Variants in AK9 observed in about 807,000 individuals in gnomAD.
The protein encoded by AK9 is adenylate kinase 9.
A neutral mutation model predicts 239.6 loss-of-function variants in AK9; 191 were observed. The observed-to-expected ratio is 0.80, with a 90% CI of 0.71 to 0.90. The LOEUF (loss-of-function observed/expected upper bound fraction) is 0.90, where lower values mean the gene tolerates loss of function less well. AK9 is among the 40% of genes least tolerant of loss of function. The pLI is 0.00. For synonymous variants in AK9, 689 were observed against 721.0 expected (o/e 0.96, Z 0.71); for missense variants, 1,995 against 2,214.7 (o/e 0.90, Z 1.99).
chr6:109,666,681 C>A (rs1425794539), intron 5 of AK9, among the ~76,000 whole-genome samples: 1 of 152,218 alleles, frequency 6.6e-6, no homozygotes, highest in Non-Finnish European at 1.5e-5. Context: ...TTTTCTATTT[C>A]CATACAAATG....
At chr6:109,684,743 G>A (rs1445731413) in intron 1 of AK9, among the ~76,000 whole-genome samples, 1 of 140,596 alleles carries the variant, frequency 7.1e-6, no homozygotes, top group Non-Finnish European at 1.5e-5. Context: ...GCGTAGTGGC[G>A]GGCGCCTGTA....
intron 10 of AK9, among the ~76,000 whole-genome samples, chr6:109,638,260 C>T (rs1796963040): frequency 6.6e-6 from 1 of 151,974 alleles, no homozygotes; most frequent in South Asian, 2.1e-4. Flanking sequence ...AACAGGAGGC[C>T]TCAGTACTCA....
At chr6:109,685,665 T>C (rs1185528794) in intron 1 of AK9, among the ~76,000 whole-genome samples, 1 of 152,022 alleles carries the variant, frequency 6.6e-6, no homozygotes, top group East Asian at 1.9e-4. Context: ...CACCATGGCA[T>C]ATGTATACCT....
intron 28 of AK9, among the ~76,000 whole-genome samples, chr6:109,532,298 C>T (rs889667852): frequency 5.4e-4 from 82 of 152,334 alleles, no homozygotes; most frequent in Middle Eastern, 6.8e-3. Context: ...TACCTTCCTC[C>T]TACCAATGGT....
At chr6:109,575,592 C>T (rs901827069) in intron 20 of AK9, among the ~76,000 whole-genome samples, 3 of 151,860 alleles carry the variant, frequency 2.0e-5, no homozygotes, top group Non-Finnish European at 2.9e-5. Flanking sequence ...TTGTCAGATG[C>T]GTAGTTTGTG....
chr6:109,591,801 C>T (rs1475672166), intron 17 of AK9, among the ~76,000 whole-genome samples: 1 of 151,796 alleles, frequency 6.6e-6, no homozygotes, highest in Non-Finnish European at 1.5e-5. Context: ...ATTTATAAAA[C>T]TTAGTTTAGC....
At chr6:109,672,707 A>C (rs1313469075) in intron 3 of AK9, among the ~76,000 whole-genome samples, 1 of 152,154 alleles carries the variant, frequency 6.6e-6, no homozygotes, top group Admixed American at 6.6e-5. Context: ...AAAAAATAAA[A>C]AAATAAAGAA....
At chr6:109,645,152 T>C (rs1797885918) in intron 8 of AK9, among the ~76,000 whole-genome samples, 2 of 152,182 alleles carry the variant, frequency 1.3e-5, no homozygotes, top group Non-Finnish European at 2.9e-5. Context: ...ATGCAGAAGA[T>C]GGGTGATTTC....
intron 13 of AK9, 125 bp from the exon 14 acceptor site, chr6:109,614,605 A>G: frequency 2.8e-6 from 2 of 725,612 alleles, no homozygotes; most frequent in South Asian, 1.7e-5. Context: ...TATAAGCTGT[A>G]AGGGCTGTGT....
intron 1 of AK9, among the ~76,000 whole-genome samples, chr6:109,683,532 A>G (rs1295691137): frequency 1.3e-5 from 2 of 152,210 alleles, no homozygotes; most frequent in Non-Finnish European, 2.9e-5. Flanking sequence ...CCTTAAGCTG[A>G]TAAGCAACTT....
At chr6:109,595,168 A>C (rs910270539) in intron 17 of AK9, among the ~76,000 whole-genome samples, 7 of 152,214 alleles carry the variant, frequency 4.6e-5, no homozygotes, top group Non-Finnish European at 7.4e-5. Context: ...TATAAGACAA[A>C]AACAACCCCA....
intron 24 of AK9, among the ~76,000 whole-genome samples, chr6:109,556,996 T>A (rs1290618212): frequency 6.6e-6 from 1 of 152,078 alleles, no homozygotes; most frequent in Non-Finnish European, 1.5e-5. Flanking sequence ...AGTTCATCCA[T>A]CTGATCCTCC....
chr6:109,590,696 C>G (rs115070733), intron 17 of AK9, among the ~76,000 whole-genome samples: 2 of 152,062 alleles, frequency 1.3e-5, no homozygotes, highest in African/African-American at 4.8e-5. Context: ...TTTTGCTGTA[C>G]GTCAAATGCT....
At chr6:109,565,010 A>G (rs1786284566) in intron 21 of AK9, among the ~76,000 whole-genome samples, 165 bp from the exon 22 acceptor site, 1 of 152,222 alleles carries the variant, frequency 6.6e-6, no homozygotes, top group South Asian at 2.1e-4. Context: ...AATACATAAT[A>G]AAAAAGGCAG....
chr6:109,573,732 T>A, intron 20 of AK9, 138 bp from the exon 21 acceptor site: 1 of 768,834 alleles, frequency 1.3e-6, no homozygotes, highest in African/African-American at 1.8e-5. Flanking sequence ...ATGGGGGAGA[T>A]AGAAAAATTA....
rs749260551 is a variant in AK9 at position 109,494,025 on chromosome 6, C to T, written c.5489G>A (p.Ser1830Asn). The T allele has an allele frequency of 4.3e-6, 7 of 1,613,594 alleles. No homozygotes were observed. Among genetic ancestry groups the T allele is most frequent in the Non-Finnish European group, 4.2e-6 (5 of 1,179,722 alleles). ...GCLKPKFPFL[S>N]IRRSALLYIA... ...ATATAGCAGTGCAGATCTCCTTATA[C>T]TTAAAAAGGGGAACTTGGGCTTTAA... The change falls in exon 40 of 41, where the codon AGT (serine) becomes AAT (asparagine). Residue 1830 changes from serine to asparagine, a missense_variant. This residue lies in a region of AK9 where 391 missense variants were observed against 456.0 expected (regional missense o/e 0.86). Coordinates refer to ENST00000424296, the MANE Select transcript of AK9 (RefSeq NM_001145128.3).
At chr6:109,585,462 G>T (rs1789383349) in intron 18 of AK9, among the ~76,000 whole-genome samples, 1 of 152,090 alleles carries the variant, frequency 6.6e-6, no homozygotes, top group Non-Finnish European at 1.5e-5. Context: ...AACATGAAAA[G>T]AGGTAGTATA....
At chr6:109,660,310 C>T (rs1217330851) in intron 6 of AK9, among the ~76,000 whole-genome samples, 1 of 152,108 alleles carries the variant, frequency 6.6e-6, no homozygotes, top group Non-Finnish European at 1.5e-5. Flanking sequence ...GACATATGAG[C>T]ATGTAACTCT....
Position 109,509,398 on chromosome 6 carries a change from T to TTTAAA in AK9, c.4280-23_4280-19dup. ...TTTGGCAACTGAAAAACATAAAACTTTTAAATTAAATTAAATGATTTAGAT... is the reference window on the plus strand; with the variant it reads ...TTTGGCAACTGAAAAACATAAAACTTTTAAATTAAATTAAATTAAATGATTTAGAT... On this transcript the variant is annotated intron_variant, in intron 32 of 40. Transcript: ENST00000424296. The TTTAAA allele has an allele frequency of 6.5e-7, 1 of 1,538,010 alleles. No individual in the cohort carries two copies. Among genetic ancestry groups the TTTAAA allele is most frequent in the Non-Finnish European group, 8.8e-7 (1 of 1,136,430 alleles).
Sources: gnomAD v4.1 joint callset for allele counts (sites outside exome capture counted in the v4.1 genomes callset) on GRCh38, gnomAD v4.1.1 for gene constraint, gnomAD v4.1.1 regional missense constraint, MANE v1.5 for transcripts, NCBI Gene and HGNC (gene_info 2026-07-23, HGNC 2026-07-21) for gene names.